The following DLC1 variants were observed in gnomAD, a reference collection of about 807,000 sequenced individuals.
DLC1 encodes the protein rho GTPase-activating protein 7.
A neutral mutation model predicts 140.3 loss-of-function variants in DLC1; 54 were observed. That is an observed-to-expected ratio of 0.38 (90% CI 0.31 to 0.48). DLC1 has a LOEUF of 0.48. DLC1 is among the 20% of genes least tolerant of loss of function. The pLI is 0.96. For missense variants in DLC1, 2,536 were observed against 1,907.0 expected, an observed-to-expected ratio of 1.33 and a Z score of -6.14; for synonymous variants, 986 against 728.1, an observed-to-expected ratio of 1.35 and a Z score of -5.70.
chr8:13,338,800 A>G (rs1296004211), intron 4 of DLC1: 2 of 152,178 alleles, frequency 1.3e-5, no homozygotes, highest in Admixed American at 6.5e-5. Flanking sequence ...AGCTTACTCA[A>G]TTATTGAAAT....
At chr8:13,155,172 A>G (rs1248689226) in intron 5 of DLC1, among the ~76,000 whole-genome samples, 3 of 150,732 alleles carry the variant, frequency 2.0e-5, no homozygotes, top group Admixed American at 2.0e-4. Context: ...ATATCGGTGT[A>G]TAAATGTACT....
intron 5 of DLC1, among the ~76,000 whole-genome samples, chr8:13,205,467 G>A (rs895921395): frequency 2.0e-5 from 3 of 152,170 alleles, no homozygotes; most frequent in Non-Finnish European, 2.9e-5. Flanking sequence ...AGTTGGCCAA[G>A]TCTCTCTCAA....
intron 4 of DLC1, among the ~76,000 whole-genome samples, chr8:13,373,494 C>T (rs979580523): frequency 3.3e-5 from 5 of 152,142 alleles, no homozygotes; most frequent in African/African-American, 4.8e-5. Context: ...TTCCCTTTCT[C>T]AATTATATAT....
chr8:13,542,319 T>C (rs1228713774), intron 1 of DLC1, among the ~76,000 whole-genome samples: 1 of 152,214 alleles, frequency 6.6e-6, no homozygotes, highest in Non-Finnish European at 1.5e-5. Flanking sequence ...TCTTTCTTCA[T>C]TGGACTGCCT....
chr8:13,186,294 G>A (rs562301942), intron 5 of DLC1, among the ~76,000 whole-genome samples: 2 of 152,262 alleles, frequency 1.3e-5, no homozygotes, highest in Non-Finnish European at 2.9e-5. Flanking sequence ...CCAATCAAAC[G>A]CAGATTTGGT....
chr8:13,518,656 A>G (rs1441031200), upstream of DLC1, among the ~76,000 whole-genome samples: 1 of 152,206 alleles, frequency 6.6e-6, no homozygotes, highest in African/African-American at 2.4e-5. Flanking sequence ...GACATTTGTG[A>G]TATTATGCGT....
At chr8:13,502,744 A>ATTT (rs10661099) in intron 1 of DLC1, among the ~76,000 whole-genome samples, 9,692 of 152,056 alleles carry the variant, frequency 0.064, 946 homozygotes, top group African/African-American at 0.21. Flanking sequence ...CTGACTACTT[A>ATTT]TTTTTCAGAT....
intron 2 of DLC1, among the ~76,000 whole-genome samples, chr8:13,412,040 A>G (rs1388734832): frequency 6.6e-6 from 1 of 152,198 alleles, no homozygotes; most frequent in Non-Finnish European, 1.5e-5. Flanking sequence ...CAAAGAAAAG[A>G]TTGATAAATG....
chr8:13,335,134 C>G (rs1346940683), intron 4 of DLC1, among the ~76,000 whole-genome samples: 2 of 151,932 alleles, frequency 1.3e-5, no homozygotes, highest in Non-Finnish European at 2.9e-5. Context: ...ACTATGGGGG[C>G]AGGATGAGAT....
At chr8:13,353,983 G>A (rs75881324) in intron 4 of DLC1, among the ~76,000 whole-genome samples, 1 of 151,908 alleles carries the variant, frequency 6.6e-6, no homozygotes, top group Non-Finnish European at 1.5e-5. Context: ...CCTTCTGTGG[G>A]TCCACTGACT....
At chr8:13,305,146 A>G (rs1384143505) in intron 5 of DLC1, 123 bp downstream of exon 5, 4 of 1,392,990 alleles carry the variant, frequency 2.9e-6, no homozygotes, top group Non-Finnish European at 3.8e-6. Flanking sequence ...CAGAATTTAA[A>G]CAACATTTTC....
intron 1 of DLC1, among the ~76,000 whole-genome samples, chr8:13,578,538 T>G (rs999974330): frequency 3.9e-5 from 6 of 152,118 alleles, no homozygotes; most frequent in African/African-American, 1.4e-4. Context: ...CACTGCAGAT[T>G]CCTATAGCAG....
chr8:13,206,071 T>G (rs996396980), intron 5 of DLC1, among the ~76,000 whole-genome samples: 6 of 152,296 alleles, frequency 3.9e-5, no homozygotes, highest in Non-Finnish European at 8.8e-5. Flanking sequence ...TAGAGCAAAG[T>G]CATCACTGTT....
At chr8:13,561,222 C>G (rs947580863) in intron 1 of DLC1, among the ~76,000 whole-genome samples, 5 of 151,742 alleles carry the variant, frequency 3.3e-5, no homozygotes, top group Admixed American at 6.6e-5. Flanking sequence ...TTCTGACCAG[C>G]AATCCTCCTG....
chr8:13,570,803 G>A lies in DLC1; in HGVS notation c.-126+33734C>T, dbSNP rs1250988570. On this transcript the variant is annotated intron_variant, in intron 1 of 1. Coordinates refer to the DLC1 transcript ENST00000631382. ...TCAAATTTTATTGTCCTGTCTTTAT[G>A]ACTCAAAAGTTGAAAGAATATTAGA... is the stretch of plus-strand genomic sequence containing the variant. Among the ~76,000 whole-genome samples, 4 of 152,084 alleles carry A rather than the reference G, an allele frequency of 2.6e-5. No homozygotes were observed. The East Asian group carries it at 7.7e-4, about 29-fold the overall frequency.
chr8:13,302,143 C>G (rs915829275), intron 5 of DLC1, among the ~76,000 whole-genome samples: 4 of 152,190 alleles, frequency 2.6e-5, no homozygotes, highest in African/African-American at 9.7e-5. Context: ...TTCCTGAAGA[C>G]AGTACTTTGA....
rs758738298 is a variant in DLC1, at chr8:13,499,867, C to G, written c.205G>C (p.Glu69Gln). 12 of 1,613,980 alleles carry G rather than the reference C, an allele frequency of 7.4e-6. No individual in the cohort carries two copies. Among genetic ancestry groups the G allele is most frequent in the African/African-American group, 1.3e-5 (1 of 74,920 alleles). Residue 69 changes from glutamate to glutamine, a missense_variant, in exon 2 of 18, where the codon GAG (glutamate) becomes CAG (glutamine). Transcript: ENST00000276297. ...GGCCTCCCAGGAAAATCTCTCAGCTCTGATCCATGACAGCAGTCAGGTAGT... is the reference window on the plus strand; with the variant it reads ...GGCCTCCCAGGAAAATCTCTCAGCTGTGATCCATGACAGCAGTCAGGTAGT... ...VSLPDCCHGS[E>Q]LRDFPGRPMG...
At chr8:13,555,638 C>T (rs1254807445) in intron 1 of DLC1, among the ~76,000 whole-genome samples, 1 of 151,798 alleles carries the variant, frequency 6.6e-6, no homozygotes, top group Non-Finnish European at 1.5e-5. Flanking sequence ...ACTACAGGTG[C>T]CCGCCACCAT....
intron 1 of DLC1, among the ~76,000 whole-genome samples, chr8:13,566,318 G>T (rs1432174603): frequency 6.6e-6 from 1 of 152,130 alleles, no homozygotes; most frequent in Non-Finnish European, 1.5e-5. Flanking sequence ...AAAGGCCAGA[G>T]AAACTGATTT....
Sources: gnomAD v4.1 joint callset for allele counts (sites outside exome capture counted in the v4.1 genomes callset) on GRCh38, gnomAD v4.1.1 for gene constraint, MANE v1.5 for transcripts, NCBI Gene and HGNC (gene_info 2026-07-23, HGNC 2026-07-21) for gene names.